The following NLRP11 variants were observed in gnomAD, a reference collection of about 807,000 sequenced individuals.
NLRP11 encodes the protein NLR family pyrin domain containing 11, also known as NACHT, LRR and PYD domains-containing protein 11.
Under a neutral mutation model 79.3 loss-of-function variants are expected in NLRP11, and 53 were observed. The observed-to-expected ratio is 0.67, with a 90% CI of 0.54 to 0.84. The LOEUF is 0.84. Among genes scored for constraint, NLRP11 ranks in the 40% least tolerant of loss-of-function variants. The pLI, the probability that NLRP11 is intolerant of heterozygous loss-of-function variation, is 0.00. For synonymous variants in NLRP11, 518 were observed against 462.6 expected (o/e 1.12, Z -1.54); for missense variants, 1,264 against 1,255.0 (o/e 1.01, Z -0.11).
At chr19:55,811,508 T>C (rs1171970391) in intron 2 of NLRP11, among the ~76,000 whole-genome samples, 1 of 152,114 alleles carries the variant, frequency 6.6e-6, no homozygotes, top group Non-Finnish European at 1.5e-5. Context: ...CTGAATGTAC[T>C]GGAATGTGGC....
At chr19:55,785,762 T>C in exon 10 of NLRP11, 1 of 1,614,204 alleles carries the variant, frequency 6.2e-7, no homozygotes, top group Non-Finnish European at 8.5e-7. Flanking sequence ...CCAATTTCTC[T>C]GCCTTCCTTT....
chr19:55,799,659 T>G (rs1374567968), intron 5 of NLRP11, among the ~76,000 whole-genome samples: 2 of 151,798 alleles, frequency 1.3e-5, no homozygotes, highest in Non-Finnish European at 2.9e-5. Context: ...CTGAGTGAGG[T>G]GGAAGGCAAT....
chr19:55,822,686 A>T (rs2122898535), intron 1 of NLRP11, among the ~76,000 whole-genome samples: 1 of 152,274 alleles, frequency 6.6e-6, no homozygotes, highest in East Asian at 1.9e-4. Flanking sequence ...CTCCCACCCG[A>T]ATACTGCGCT....
intron 9 of NLRP11, among the ~76,000 whole-genome samples, chr19:55,786,465 G>C (rs575748966): frequency 6.6e-5 from 10 of 152,160 alleles, no homozygotes; most frequent in Admixed American, 6.5e-4. Flanking sequence ...AGGCTGCAGT[G>C]AGCCATGATC....
intron 2 of NLRP11, among the ~76,000 whole-genome samples, chr19:55,815,668 G>A (rs28668783): frequency 0.22 from 34,014 of 152,094 alleles, 5,829 homozygotes; most frequent in African/African-American, 0.48. Flanking sequence ...TGGCTGGAGA[G>A]TATTACGTCC....
At chr19:55,788,741 C>CAAAAAAAAAAA (rs58239530) in intron 9 of NLRP11, 66 bp downstream of exon 9, 7 of 380,464 alleles carry the variant, frequency 1.8e-5, no homozygotes, top group African/African-American at 1.2e-4. Context: ...CTCTGTCTCT[C>CAAAAAAAAAAA]AAAAAAAAAA....
At chr19:55,789,245 T>C in exon 8 of NLRP11, 4 of 1,611,994 alleles carry the variant, frequency 2.5e-6, no homozygotes, top group Non-Finnish European at 3.4e-6. Flanking sequence ...TTCACCAACA[T>C]GCAGTTGGGA....
At chr19:55,831,100 AC>A (rs1568647584) in intron 1 of NLRP11, among the ~76,000 whole-genome samples, 293 of 27,548 alleles carry the variant, frequency 0.011, 13 homozygotes, top group African/African-American at 0.043. Context: ...CCACCGCCCC[AC>A]CCCCCCCATC....
At chr19:55,835,507 C>A (rs1025564787), upstream of NLRP11, among the ~76,000 whole-genome samples, 1 of 150,186 alleles carries the variant, frequency 6.7e-6, no homozygotes, top group African/African-American at 2.5e-5. Flanking sequence ...TCGAGACCAG[C>A]CTGGCCAACA....
chr19:55,810,146 C>T, exon 3 of NLRP11: 1 of 1,613,950 alleles, frequency 6.2e-7, no homozygotes, highest in African/African-American at 1.3e-5. Flanking sequence ...TCCAGATGCT[C>T]TCTCTCCCAT....
In NLRP11 at chr19:55,799,634, T is replaced by C. The variant is rs1245592683; in HGVS notation, c.2171+1938A>G. ...TTGGGATTTAGCTGGGAGAATGTGA[T>C]AGGGAGAAGGGATGCTGAGTGAGGT... On this transcript the variant is annotated intron_variant, in intron 5 of 9. Coordinates refer to ENST00000589093, the Ensembl canonical transcript of NLRP11. 2.6e-5 allele frequency among the ~76,000 whole-genome samples: 4 copies of C among 152,116 alleles called. No individual in the cohort carries two copies. In the South Asian group the frequency reaches 8.3e-4, roughly 32 times the overall value.
At chr19:55,789,887 G>A (rs986431257) in intron 7 of NLRP11, among the ~76,000 whole-genome samples, 14 of 152,268 alleles carry the variant, frequency 9.2e-5, no homozygotes, top group African/African-American at 3.4e-4. Context: ...ACGATTGTCC[G>A]TGTTCTCCCA....
At chr19:55,789,249 G>A (rs1246420336) in exon 8 of NLRP11, 1 of 1,612,950 alleles carries the variant, frequency 6.2e-7, no homozygotes, top group Admixed American at 1.7e-5. Context: ...CCAACATGCA[G>A]TTGGGATGTC....
chr19:55,806,701 A>G (rs1299013453), intron 4 of NLRP11, among the ~76,000 whole-genome samples: 1 of 152,106 alleles, frequency 6.6e-6, no homozygotes, highest in African/African-American at 2.4e-5. Context: ...AAACCCCTCA[A>G]AATGCCTCAC....
At chr19:55,796,863 AT>A (rs1348487202) in intron 5 of NLRP11, among the ~76,000 whole-genome samples, 7 of 151,694 alleles carry the variant, frequency 4.6e-5, no homozygotes, top group African/African-American at 1.7e-4. Flanking sequence ...TAATGTTTGT[AT>A]TTTTAGTAGA....
At chr19:55,827,748 T>A (rs1226710120) in intron 1 of NLRP11, among the ~76,000 whole-genome samples, 1 of 151,674 alleles carries the variant, frequency 6.6e-6, no homozygotes, top group Admixed American at 6.6e-5. Context: ...ATGGTGATCA[T>A]TAAAAAGTCA....
intron 6 of NLRP11, 65 bp downstream of exon 6, chr19:55,796,015 T>C (rs1978810944): frequency 7.1e-7 from 1 of 1,418,388 alleles, no homozygotes; most frequent in African/African-American, 1.4e-5. Context: ...TGCTCTTTGA[T>C]CATGTGCTTA....
At chr19:55,822,221 G>A (rs1981812201) in intron 1 of NLRP11, among the ~76,000 whole-genome samples, 1 of 152,170 alleles carries the variant, frequency 6.6e-6, no homozygotes, top group East Asian at 1.9e-4. Flanking sequence ...CTGAGATAGT[G>A]CCACTGCACC....
chr19:55,796,032 C>G (rs1568629646), intron 6 of NLRP11, 48 bp downstream of exon 6: 2 of 1,521,868 alleles, frequency 1.3e-6, no homozygotes, highest in Middle Eastern at 1.8e-4. Context: ...CTTAGATATT[C>G]AAGTCAGTCT....
Sources: allele counts gnomAD v4.1 joint callset (sites outside exome capture counted in the v4.1 genomes callset), GRCh38; gene constraint gnomAD v4.1.1; transcripts MANE v1.5; gene names NCBI Gene and HGNC (gene_info 2026-07-23, HGNC 2026-07-21).